Variants in TBC1D16 observed in about 807,000 individuals in gnomAD.
TBC1D16 encodes the protein TBC1 domain family member 16.
Under a neutral mutation model 74.7 loss-of-function variants are expected in TBC1D16, and 58 were observed. The ratio of observed to expected loss-of-function variants is 0.78; its 90% CI spans 0.63 to 0.97. The LOEUF (loss-of-function observed/expected upper bound fraction) is 0.97, where lower values mean the gene tolerates loss of function less well. Among genes scored for constraint, TBC1D16 ranks in the 50% least tolerant of loss-of-function variants. TBC1D16 has a pLI of 0.00. For synonymous variants in TBC1D16, 493 were observed against 474.7 expected, an observed-to-expected ratio of 1.04 and a Z score of -0.50; for missense variants, 1,014 against 1,079.5, an observed-to-expected ratio of 0.94 and a Z score of 0.85.
In TBC1D16 at chr17:79,988,962, C is replaced by T. The variant is rs893682646; in HGVS notation, c.779+21198G>A. Among the ~76,000 whole-genome samples, 13 of 152,182 alleles carry T rather than the reference C, an allele frequency of 8.5e-5. No homozygotes were observed. In the East Asian group the frequency reaches 1.4e-3, roughly 16 times the overall value. On this transcript the variant is annotated intron_variant, in intron 3 of 11. Coordinates refer to ENST00000310924, the MANE Select transcript of TBC1D16 (RefSeq NM_019020.4). The surrounding 1 kb of genome is among the most constrained non-coding windows in gnomAD (Gnocchi z 5.7). ...GACCCAGCACCTTCAGTCCTCCTGC[C>T]GAGAAGAAGCCTTTCATCAGTAAAA...
intron 3 of TBC1D16, among the ~76,000 whole-genome samples, chr17:79,998,698 T>C (rs892668693): frequency 6.6e-6 from 1 of 151,908 alleles, no homozygotes; most frequent in African/African-American, 2.4e-5. Flanking sequence ...CCACATCTGC[T>C]CAAGGCTTGA....
chr17:79,957,777 AG>A (rs1168757495), intron 3 of TBC1D16, among the ~76,000 whole-genome samples: 2 of 140,412 alleles, frequency 1.4e-5, no homozygotes, highest in Non-Finnish European at 3.1e-5. Context: ...GTGGTGGGGG[AG>A]GGGGTGGATG....
Position 79,944,950 on chromosome 17 carries a change from G to A in TBC1D16, c.1866C>T (p.Ala622=), listed in dbSNP as rs928197488. The A allele has an allele frequency of 1.8e-5, 28 of 1,554,836 alleles. No homozygotes were observed. Among genetic ancestry groups the A allele is most frequent in the Non-Finnish European group, 2.2e-5 (25 of 1,149,122 alleles). Residue 622 remains alanine (A), a synonymous_variant, in exon 10 of 12, where the codon GCC becomes GCT. Coordinates refer to ENST00000310924, the MANE Select transcript of TBC1D16 (RefSeq NM_019020.4). This position sits in a 1 kb window ranked among gnomAD's most constrained non-coding sequence, Gnocchi z 7.7. ...AGGCCTCCCAGATCCGCAGCGCTTC[G>A]GCCTCGGGGAACTCCCGCTTGAAGC... ...LLCFKREFPE[A]EALRIWEACW... is the part of the protein sequence containing the mutation.
chr17:79,986,760 G>A lies in TBC1D16; in HGVS notation c.779+23400C>T, dbSNP rs146326197. Among the ~76,000 whole-genome samples, 1,129 of 152,264 alleles carry A rather than the reference G, an allele frequency of 7.4e-3. 10 individuals carry two copies. The highest frequency in any genetic ancestry group is 0.026 in the African/African-American group (1,075 of 41,566). On this transcript the variant is annotated intron_variant, in intron 3 of 11. Transcript: ENST00000310924. This position sits in a 1 kb window ranked among gnomAD's most constrained non-coding sequence, Gnocchi z 6.0. ...CTTCCAAGGAAGGCTCTACACACCC[G>A]GCCCTCCTCAGAGCCTCAGCCCGCA...
chr17:79,973,311 G>C (rs996208738), intron 3 of TBC1D16, among the ~76,000 whole-genome samples: 2 of 152,120 alleles, frequency 1.3e-5, no homozygotes, highest in African/African-American at 4.8e-5. Context: ...GGTGGCTCAT[G>C]CCTGTAATCC....
In TBC1D16 at chr17:80,000,127, C is replaced by T. The variant is rs1231894875; in HGVS notation, c.779+10033G>A. On this transcript the variant is annotated intron_variant, in intron 3 of 11. Coordinates refer to ENST00000310924, the MANE Select transcript of TBC1D16 (RefSeq NM_019020.4). The surrounding 1 kb of genome is among the most constrained non-coding windows in gnomAD (Gnocchi z 4.1). ...AGGCTTGAGCTCTGCGTCACCCTTT[C>T]CTAAAACGGGGTGATGACCACACTG... is the stretch of plus-strand genomic sequence containing the variant. 1.3e-5 allele frequency among the ~76,000 whole-genome samples: 2 copies of T among 152,148 alleles called. No individual in the cohort carries two copies. Among genetic ancestry groups the T allele is most frequent in the African/African-American group, 4.8e-5 (2 of 41,406 alleles).
rs2034067065 is a variant in TBC1D16, at chr17:79,970,878, G to GTCCTTGTACGAGT, written c.780-18061_780-18060insACTCGTACAAGGA. Among the ~76,000 whole-genome samples, 7 of 32,382 alleles carry GTCCTTGTACGAGT rather than the reference G, an allele frequency of 2.2e-4. No individual in the cohort carries two copies. The South Asian group carries it at 5.5e-3, about 25-fold the overall frequency. The allele number at this position is 32,382 out of a possible 152,430, so 21.2% of individuals were successfully genotyped here. A position where few individuals can be genotyped will look rare whatever the true frequency, so the allele number is the denominator to read the frequency against. On this transcript the variant is annotated intron_variant, in intron 3 of 11. Transcript: ENST00000310924. ...GCGCCACCCTGGAAACGGAGAGTCA[G>GTCCTTGTACGAGT]CCCGGTGCAAAAACAGCGCCACCCT... is the stretch of plus-strand genomic sequence containing the variant.
At chr17:79,951,864 A>C in intron 4 of TBC1D16, 8 of 347,082 alleles carry the variant, frequency 2.3e-5, no homozygotes, top group East Asian at 5.1e-5. Context: ...TCTCCCCACC[A>C]CCCCCTGCCC....
In TBC1D16 at chr17:79,952,328, C is replaced by T. The variant is rs574241204; in HGVS notation, c.941+329G>A. 6 of 243,074 alleles carry T rather than the reference C, an allele frequency of 2.5e-5. No individual in the cohort carries two copies. The South Asian group carries it at 8.4e-4, about 34-fold the overall frequency. 15.1% of individuals were successfully genotyped at this position (243,074 alleles called of 1,614,324 possible). The stretch of plus-strand genomic sequence containing the variant: ...CACAGGTGGCCGAGCTCCAGAGCAT[C>T]CCCCGGCGATCAGAGCCGCCGGCAG... On this transcript the variant is annotated intron_variant, in intron 4 of 11. Coordinates refer to ENST00000310924, the MANE Select transcript of TBC1D16 (RefSeq NM_019020.4).
rs188150168 is a variant in TBC1D16, at chr17:79,967,100, A to C, written c.780-14282T>G. ...TGAAAAACCAACAACTATAAAAAAA[A>C]CCCCACAAATTTAAGTGTGAAAGAC... On this transcript the variant is annotated intron_variant, in intron 3 of 11. Coordinates refer to ENST00000310924, the MANE Select transcript of TBC1D16 (RefSeq NM_019020.4). Among the ~76,000 whole-genome samples the C allele has an allele frequency of 1.8e-4, 27 of 152,294 alleles. 1 individual carries two copies. The East Asian group carries it at 2.1e-3, about 12-fold the overall frequency.
intron 1 of TBC1D16, among the ~76,000 whole-genome samples, chr17:80,031,283 A>C (rs1001975123): frequency 1.3e-5 from 2 of 152,238 alleles, no homozygotes; most frequent in African/African-American, 4.8e-5. Flanking sequence ...TTACAGGATG[A>C]ATTGAGAAAA....
chr17:79,937,353 G>A lies in TBC1D16; in HGVS notation c.*3506C>T, dbSNP rs1219663967. On this transcript the variant is annotated 3_prime_UTR_variant, in exon 12 of 12. Coordinates refer to ENST00000310924, the MANE Select transcript of TBC1D16 (RefSeq NM_019020.4). ...TGCCAGCCACTACCCCTTAGCCCAAGGGGAGTCCTCATTCCAGAGCCAGCA... is the reference window on the plus strand; with the variant it reads ...TGCCAGCCACTACCCCTTAGCCCAAAGGGAGTCCTCATTCCAGAGCCAGCA... 1 of 84,254 alleles carries A rather than the reference G, an allele frequency of 1.2e-5. No individual in the cohort carries two copies. Among genetic ancestry groups the A allele is most frequent in the Non-Finnish European group, 2.8e-5 (1 of 35,338 alleles). The allele number at this position is 84,254 out of a possible 1,614,324, so 5.2% of individuals were successfully genotyped here.
chr17:80,004,263 G>A (rs893508989), intron 3 of TBC1D16, among the ~76,000 whole-genome samples: 8 of 152,178 alleles, frequency 5.3e-5, no homozygotes, highest in South Asian at 2.1e-4. Flanking sequence ...AGCCTCATCT[G>A]CACCTCAGGC....
chr17:79,995,591 C>G (rs2035242021), intron 3 of TBC1D16, among the ~76,000 whole-genome samples: 1 of 146,290 alleles, frequency 6.8e-6, no homozygotes, highest in Non-Finnish European at 1.5e-5. Flanking sequence ...CAAGATCATC[C>G]TGGCTAACAC....
chr17:79,964,381 G>A (rs2033753039), intron 3 of TBC1D16, among the ~76,000 whole-genome samples: 2 of 152,286 alleles, frequency 1.3e-5, no homozygotes, highest in Non-Finnish European at 2.9e-5. Context: ...CATTCTGTGA[G>A]TGATCTTTAT....
intron 1 of TBC1D16, among the ~76,000 whole-genome samples, chr17:80,032,278 T>TC (rs2036801479): frequency 2.0e-5 from 3 of 152,122 alleles, no homozygotes; most frequent in Non-Finnish European, 2.9e-5. Flanking sequence ...GACACATGTA[T>TC]CACCTTCCAA....
rs902438882 is a variant in TBC1D16 at position 79,941,917 on chromosome 17, G to A, written c.2055+143C>T. On this transcript the variant is annotated intron_variant, in intron 11 of 11. Transcript: ENST00000310924. The surrounding 1 kb of genome is among the most constrained non-coding windows in gnomAD (Gnocchi z 4.3). ...CCCCCAGTGCTATGGGTGGGGGAGGGCACGTGCTGGGGGGCCATGGTGGGG... is the reference window on the plus strand; with the variant it reads ...CCCCCAGTGCTATGGGTGGGGGAGGACACGTGCTGGGGGGCCATGGTGGGG... 2 of 714,452 alleles carry A rather than the reference G, an allele frequency of 2.8e-6. No homozygotes were observed. Among genetic ancestry groups the A allele is most frequent in the Non-Finnish European group, 4.7e-6 (2 of 429,224 alleles). The allele number at this position is 714,452 out of a possible 1,614,324, so 44.3% of individuals were successfully genotyped here. A position where few individuals can be genotyped will look rare whatever the true frequency, so the allele number is the denominator to read the frequency against.
At position 79,999,533 on chromosome 17, in the gene TBC1D16, CTTTTTTTTTT is replaced by C. The variant is rs71163906; in HGVS notation, c.779+10617_779+10626del. ...TCCCTTCTGCCTTTCCCCCAAATTT[CTTTTTTTTTT>C]TTTTTTTTTTTTTTTTTGAGATGGA... is the stretch of plus-strand genomic sequence containing the variant. On this transcript the variant is annotated intron_variant, in intron 3 of 11. Transcript: ENST00000310924. 5.8e-4 allele frequency among the ~76,000 whole-genome samples: 44 copies of C among 76,480 alleles called. 1 individual carries two copies. The South Asian group carries it at 0.018, about 32-fold the overall frequency. 50.2% of individuals were successfully genotyped at this position (76,480 alleles called of 152,430 possible). A position where few individuals can be genotyped will look rare whatever the true frequency, so the allele number is the denominator to read the frequency against.
At position 79,939,849 on chromosome 17, in the gene TBC1D16, G is replaced by A. The variant is rs1369438699; in HGVS notation, c.*1010C>T. On this transcript the variant is annotated 3_prime_UTR_variant, in exon 12 of 12. Transcript: ENST00000310924. ...TATCTGAGTTCACAGGTCCTGAAGG[G>A]AAGTGGAAGAGTCTAACTATTTCCA... 6.6e-6 allele frequency: 1 copy of A among 152,162 alleles called. No individual in the cohort carries two copies. The highest frequency in any genetic ancestry group is 1.5e-5 in the Non-Finnish European group (1 of 68,044). The allele number at this position is 152,162 out of a possible 1,614,324, so 9.4% of individuals were successfully genotyped here. A position where few individuals can be genotyped will look rare whatever the true frequency, so the allele number is the denominator to read the frequency against.
Sources: allele counts gnomAD v4.1 joint callset (sites outside exome capture counted in the v4.1 genomes callset), GRCh38; gene constraint gnomAD v4.1.1; non-coding constraint Gnocchi (gnomAD v3.1); transcripts MANE v1.5; gene names NCBI Gene and HGNC (gene_info 2026-07-23, HGNC 2026-07-21).